GRM7: variants seen among roughly 807,000 people sequenced by gnomAD.
GRM7 encodes metabotropic glutamate receptor 7.
Under a neutral mutation model 84.5 loss-of-function variants are expected in GRM7, and 35 were observed. That is an observed-to-expected ratio of 0.41 (90% CI 0.32 to 0.55). The LOEUF is 0.55. Ranked by LOEUF, GRM7 falls within the 20% of genes least tolerant of loss-of-function variation. GRM7 has a pLI of 0.19. For synonymous variants in GRM7, 487 were observed against 455.1 expected (o/e 1.07, Z -0.89); for missense variants, 1,003 against 1,194.6 (o/e 0.84, Z 2.36).
rs1047108128 is a variant in GRM7 at position 7,207,185 on chromosome 3, C to T, written c.736+60517C>T. 2.0e-5 allele frequency among the ~76,000 whole-genome samples: 3 copies of T among 152,292 alleles called. No individual in the cohort carries two copies. In the South Asian group the frequency reaches 6.2e-4, roughly 32 times the overall value. ...GTAATGCTAACTTTCTCACAGCCTT[C>T]CGCCATTAGAGACATGGGGACAGTG... is the stretch of plus-strand genomic sequence containing the variant. On this transcript the variant is annotated intron_variant, in intron 2 of 9. Coordinates refer to ENST00000357716, the MANE Select transcript of GRM7 (RefSeq NM_000844.4).
chr3:7,563,652 C>G (rs1463611934), intron 7 of GRM7, among the ~76,000 whole-genome samples: 1 of 152,134 alleles, frequency 6.6e-6, no homozygotes, highest in East Asian at 1.9e-4. Context: ...TAAAGGGAAG[C>G]CCAATCACTG....
intron 2 of GRM7, among the ~76,000 whole-genome samples, chr3:7,211,406 G>C (rs1696423407): frequency 6.6e-6 from 1 of 152,130 alleles, no homozygotes; most frequent in Non-Finnish European, 1.5e-5. Flanking sequence ...GGTGGAAAGA[G>C]AGCCAGACAA....
intron 2 of GRM7, among the ~76,000 whole-genome samples, chr3:7,205,387 C>T (rs924781382): frequency 3.3e-5 from 5 of 152,170 alleles, no homozygotes; most frequent in African/African-American, 4.8e-5. Flanking sequence ...TTTATTTCAA[C>T]TCAGTCAACC....
At chr3:7,048,444 T>G (rs764136801) in intron 1 of GRM7, among the ~76,000 whole-genome samples, 1 of 151,980 alleles carries the variant, frequency 6.6e-6, no homozygotes, top group Non-Finnish European at 1.5e-5. Flanking sequence ...AATTGATGTT[T>G]GTATTTTTGT....
intron 8 of GRM7, among the ~76,000 whole-genome samples, chr3:7,594,323 G>C (rs9838347): frequency 1 from 152,308 of 152,308 alleles, 76,154 homozygotes; most frequent in Non-Finnish European, 1. Context: ...ATTTTGCATA[G>C]TGTGTAATGC....
intron 8 of GRM7, among the ~76,000 whole-genome samples, chr3:7,651,951 T>C (rs1418962898): frequency 6.6e-6 from 1 of 152,180 alleles, no homozygotes; most frequent in African/African-American, 2.4e-5. Context: ...ATCTTGAATA[T>C]TGTCCCTGCC....
chr3:7,478,007 T>A (rs546936120), intron 7 of GRM7, among the ~76,000 whole-genome samples: 2 of 152,280 alleles, frequency 1.3e-5, no homozygotes, highest in Non-Finnish European at 2.9e-5. Context: ...ACTTTATCAA[T>A]GTGAGTGGAT....
intron 1 of GRM7, among the ~76,000 whole-genome samples, chr3:7,142,717 G>C (rs9860654): frequency 0.19 from 29,509 of 152,048 alleles, 2,958 homozygotes; most frequent in Middle Eastern, 0.29. Flanking sequence ...ACAACAAAAT[G>C]TTGACAGGGA....
chr3:7,195,928 G>T (rs1042272415), intron 2 of GRM7, among the ~76,000 whole-genome samples: 2 of 152,166 alleles, frequency 1.3e-5, no homozygotes, highest in East Asian at 3.9e-4. Flanking sequence ...CCAGAGAACA[G>T]AACCGATAGG....
chr3:7,029,388 G>A (rs916020078), intron 1 of GRM7, among the ~76,000 whole-genome samples: 6 of 151,596 alleles, frequency 4.0e-5, no homozygotes, highest in African/African-American at 1.2e-4. Flanking sequence ...AATAATTGGC[G>A]GCAGGGACTC....
At chr3:7,256,687 A>T (rs186309987) in intron 2 of GRM7, among the ~76,000 whole-genome samples, 10 of 152,320 alleles carry the variant, frequency 6.6e-5, no homozygotes, top group African/African-American at 1.9e-4. Flanking sequence ...CCTAAAGGGA[A>T]ATGCTCAAGG....
At chr3:7,307,340 A>G (rs1464670485) in intron 4 of GRM7, among the ~76,000 whole-genome samples, 2 of 129,748 alleles carry the variant, frequency 1.5e-5, no homozygotes, top group Non-Finnish European at 3.6e-5. Flanking sequence ...AGTTGTTTCT[A>G]AAAGAAGACG....
In GRM7 at chr3:7,365,654, T is replaced by TATATAC. The variant is rs1693853070; in HGVS notation, c.1034-49364_1034-49363insCATATA. On this transcript the variant is annotated intron_variant, in intron 4 of 9. Coordinates refer to ENST00000357716, the MANE Select transcript of GRM7 (RefSeq NM_000844.4). ...ATGTGTGTGTGCGTGTGTGTATATA[T>TATATAC]ATATATATATACACACACGCACACA... Among the ~76,000 whole-genome samples, 13 of 144,986 alleles carry TATATAC rather than the reference T, an allele frequency of 9.0e-5. No homozygotes were observed. The South Asian group carries it at 2.8e-3, about 31-fold the overall frequency.
In GRM7 at chr3:7,579,428, T is replaced by G. The variant is rs909385455; in HGVS notation, c.2451+71T>G. 5 of 868,004 alleles carry G rather than the reference T, an allele frequency of 5.8e-6. No individual in the cohort carries two copies. In the South Asian group the frequency reaches 9.4e-5, roughly 16 times the overall value. 53.8% of individuals were successfully genotyped at this position (868,004 alleles called of 1,614,324 possible). On this transcript the variant is annotated intron_variant, in intron 8 of 9. Transcript: ENST00000357716. ...ATTTTTGTAAGTACTGAAACCAAAT[T>G]GATTGTATAAAGTAAGAAGTTTCGT...
chr3:7,487,387 A>G (rs1699360393), intron 7 of GRM7, among the ~76,000 whole-genome samples: 1 of 152,190 alleles, frequency 6.6e-6, no homozygotes, highest in East Asian at 1.9e-4. Context: ...AGATATTAGC[A>G]TGGATAAAAG....
At chr3:7,457,086 C>T (rs1170110814) in intron 6 of GRM7, among the ~76,000 whole-genome samples, 4 of 152,176 alleles carry the variant, frequency 2.6e-5, no homozygotes, top group East Asian at 1.9e-4. Context: ...AACTTTATAT[C>T]GCATGTTTTA....
intron 1 of GRM7, among the ~76,000 whole-genome samples, chr3:6,904,652 T>C (rs1348424194): frequency 6.6e-6 from 1 of 152,144 alleles, no homozygotes; most frequent in Non-Finnish European, 1.5e-5. Flanking sequence ...CTAGACCATC[T>C]GTTTAGTTGC....
At chr3:7,328,758 C>T (rs1023219102) in intron 4 of GRM7, among the ~76,000 whole-genome samples, 1 of 151,954 alleles carries the variant, frequency 6.6e-6, no homozygotes, top group African/African-American at 2.4e-5. Context: ...ATGAATTTTC[C>T]TAGACATAGC....
In GRM7 at chr3:7,677,119, G is replaced by A. The variant is rs546367640; in HGVS notation, c.2452-2930G>A. 1.2e-3 allele frequency among the ~76,000 whole-genome samples: 182 copies of A among 151,694 alleles called. 1 individual carries two copies. The South Asian group carries it at 0.026, about 22-fold the overall frequency. ...TACTAAAAATACAAAAAAATTAGCC[G>A]GGCGCGGTGGCACGTGCCTGTAGTC... is the stretch of plus-strand genomic sequence containing the variant. On this transcript the variant is annotated intron_variant, in intron 8 of 9. Transcript: ENST00000357716.
Sources: gnomAD v4.1 joint callset for allele counts (sites outside exome capture counted in the v4.1 genomes callset) on GRCh38, gnomAD v4.1.1 for gene constraint, MANE v1.5 for transcripts, NCBI Gene and HGNC (gene_info 2026-07-23, HGNC 2026-07-21) for gene names.